SPATA6: variants seen among roughly 807,000 people sequenced by gnomAD.
SPATA6 encodes spermatogenesis-associated protein 6.
A neutral mutation model predicts 65.3 loss-of-function variants in SPATA6; 56 were observed. The observed-to-expected ratio is 0.86, with a 90% CI of 0.69 to 1.07. The LOEUF is 1.07. Among genes scored for constraint, SPATA6 ranks in the 50% least tolerant of loss-of-function variants. The pLI, the probability that SPATA6 is intolerant of heterozygous loss-of-function variation, is 0.00. For synonymous variants in SPATA6, 199 were observed against 213.2 expected (o/e 0.93, Z 0.58); for missense variants, 590 against 594.8 (o/e 0.99, Z 0.08).
At chr1:48,381,643 TTTTTC>T (rs980763527) in intron 9 of SPATA6, among the ~76,000 whole-genome samples, 9 of 103,414 alleles carry the variant, frequency 8.7e-5, no homozygotes, top group African/African-American at 4.1e-4. Flanking sequence ...AAAGCTATGG[TTTTTC>T]TTTTTTTTTT....
At chr1:48,457,751 A>T (rs1657120618) in intron 1 of SPATA6, among the ~76,000 whole-genome samples, 1 of 152,202 alleles carries the variant, frequency 6.6e-6, no homozygotes, top group African/African-American at 2.4e-5. Flanking sequence ...ACTTAAAGAG[A>T]ATCTTTCAGG....
chr1:48,332,211 G>A (rs961639454), intron 11 of SPATA6, among the ~76,000 whole-genome samples: 2 of 152,156 alleles, frequency 1.3e-5, no homozygotes, highest in Non-Finnish European at 2.9e-5. Flanking sequence ...CATGATAGCA[G>A]GATCAAATCC....
In SPATA6 at chr1:48,298,893, G is replaced by C; in HGVS notation, c.1287C>G (p.Ser429Arg). 1 of 1,611,556 alleles carries C rather than the reference G, an allele frequency of 6.2e-7. No homozygotes were observed. ...DSAYDSDPEY[S>R]SCQQPRGTFH... Reference sequence around the variant, plus strand: ...AAGTGCCACGTGGCTGCTGACATGAGCTATAAAAAGGGATATAAAAGGTTC... The same window carrying C: ...AAGTGCCACGTGGCTGCTGACATGACCTATAAAAAGGGATATAAAAGGTTC... Residue 429 changes from serine to arginine, a missense_variant and splice_region_variant, in exon 13 of 13, where the codon AGC (serine) becomes AGG (arginine). Physicochemically the swap from Ser to Arg is moderately radical, Grantham distance 110 (BLOSUM62 -1). Coordinates refer to ENST00000371847, the MANE Select transcript of SPATA6 (RefSeq NM_019073.4).
At chr1:48,455,628 T>G (rs985953584) in intron 1 of SPATA6, among the ~76,000 whole-genome samples, 1 of 152,148 alleles carries the variant, frequency 6.6e-6, no homozygotes, top group Non-Finnish European at 1.5e-5. Flanking sequence ...GATCTGCCCA[T>G]GTCGGCCTCC....
At chr1:48,352,372 G>A (rs1318329343) in intron 11 of SPATA6, among the ~76,000 whole-genome samples, 1 of 152,010 alleles carries the variant, frequency 6.6e-6, no homozygotes, top group Non-Finnish European at 1.5e-5. Flanking sequence ...TATTTTTCCA[G>A]GATTTGGCCC....
intron 10 of SPATA6, among the ~76,000 whole-genome samples, chr1:48,356,419 A>G (rs1646661126): frequency 1.3e-5 from 2 of 151,476 alleles, no homozygotes; most frequent in East Asian, 3.9e-4. Flanking sequence ...TATAATATAT[A>G]GTGTTATTAA....
intron 11 of SPATA6, among the ~76,000 whole-genome samples, chr1:48,316,055 A>G (rs1234636698): frequency 6.6e-6 from 1 of 152,224 alleles, no homozygotes; most frequent in East Asian, 1.9e-4. Context: ...ATGGAAGAAC[A>G]TTCCATGCTC....
intron 3 of SPATA6, among the ~76,000 whole-genome samples, chr1:48,433,583 A>G (rs1481958902): frequency 6.6e-6 from 1 of 152,180 alleles, no homozygotes; most frequent in African/African-American, 2.4e-5. Flanking sequence ...AGTAAATCAA[A>G]AGGCTATAGG....
Position 48,380,223 on chromosome 1 carries a change from A to G in SPATA6, c.909+5086T>C, listed in dbSNP as rs576529869. ...TGGCTCTTTTCCATATAGAAGTCCTAAAGTGTTCTATTACTTGAATATTTA... is the reference window on the plus strand; with the variant it reads ...TGGCTCTTTTCCATATAGAAGTCCTGAAGTGTTCTATTACTTGAATATTTA... On this transcript the variant is annotated intron_variant, in intron 9 of 12. Transcript: ENST00000371847. Among the ~76,000 whole-genome samples the G allele has an allele frequency of 4.6e-5, 7 of 152,354 alleles. No individual in the cohort carries two copies. In the East Asian group the frequency reaches 1.2e-3, roughly 25 times the overall value.
intron 6 of SPATA6, among the ~76,000 whole-genome samples, chr1:48,401,925 T>C (rs1651201164): frequency 6.6e-6 from 1 of 152,116 alleles, no homozygotes; most frequent in African/African-American, 2.4e-5. Flanking sequence ...TTTAACTATT[T>C]AATAATGAAT....
intron 3 of SPATA6, among the ~76,000 whole-genome samples, chr1:48,442,944 G>T (rs1334999042): frequency 1.3e-5 from 2 of 152,080 alleles, no homozygotes; most frequent in Non-Finnish European, 2.9e-5. Context: ...TTCCTAGCAG[G>T]GAATCTAAAT....
intron 11 of SPATA6, among the ~76,000 whole-genome samples, chr1:48,348,225 T>C (rs979472933): frequency 6.6e-6 from 1 of 151,936 alleles, no homozygotes; most frequent in African/African-American, 2.4e-5. Flanking sequence ...GTCACTCCAG[T>C]ACTCACCCAA....
Position 48,305,778 on chromosome 1 carries a change from C to T in SPATA6, c.1286+9G>A. 1.3e-6 allele frequency: 2 copies of T among 1,592,312 alleles called. No homozygotes were observed. The highest frequency in any genetic ancestry group is 1.1e-5 in the South Asian group (1 of 88,740). ...CTATGAGAAGGATATACATATATTT[C>T]ATTCATACCTATACTCGGGGTCACT... On this transcript the variant is annotated intron_variant, in intron 12 of 12. Transcript: ENST00000371847.
chr1:48,276,423 G>A, the SPATA6 span, among the ~76,000 whole-genome samples: 1,277 of 152,216 alleles, frequency 8.4e-3, 23 homozygotes, highest in South Asian at 0.043. Flanking sequence ...TAATTATGAT[G>A]TCAGGGTGTC....
the SPATA6 span, among the ~76,000 whole-genome samples, chr1:48,288,323 T>C: frequency 2.7e-3 from 414 of 152,134 alleles, 1 homozygote; most frequent in African/African-American, 8.5e-3. Context: ...TTTGGGAGGG[T>C]CTTCCCTTTT....
At chr1:48,280,906 T>C in the SPATA6 span, among the ~76,000 whole-genome samples, 12 of 150,178 alleles carry the variant, frequency 8.0e-5, no homozygotes, top group South Asian at 4.2e-4. Context: ...ACCAATATCC[T>C]TGATGAACAT....
At chr1:48,420,383 T>A (rs1316221965) in intron 3 of SPATA6, among the ~76,000 whole-genome samples, 6 of 152,178 alleles carry the variant, frequency 3.9e-5, no homozygotes, top group Admixed American at 3.9e-4. Flanking sequence ...AAAGAGAGGA[T>A]CACGGGAACC....
chr1:48,457,656 T>C (rs1396149388), intron 1 of SPATA6, among the ~76,000 whole-genome samples: 2 of 152,120 alleles, frequency 1.3e-5, no homozygotes, highest in Non-Finnish European at 2.9e-5. Flanking sequence ...ACAAAAATTT[T>C]CTTTCAAAAA....
At chr1:48,370,473 T>C (rs1002020310) in intron 9 of SPATA6, among the ~76,000 whole-genome samples, 2 of 152,256 alleles carry the variant, frequency 1.3e-5, no homozygotes, top group Non-Finnish European at 2.9e-5. Context: ...GATCAATTCC[T>C]ATCTTATCTG....
Sources: allele counts gnomAD v4.1 joint callset (sites outside exome capture counted in the v4.1 genomes callset), GRCh38; gene constraint gnomAD v4.1.1; transcripts MANE v1.5; gene names NCBI Gene and HGNC (gene_info 2026-07-23, HGNC 2026-07-21).